Variants in RUSC2 observed in about 807,000 individuals in gnomAD.
RUSC2 encodes AP-4 complex accessory subunit RUSC2.
Under a neutral mutation model 122.2 loss-of-function variants are expected in RUSC2, and 34 were observed. The ratio of observed to expected loss-of-function variants is 0.28; its 90% confidence interval spans 0.21 to 0.37. RUSC2 has a LOEUF of 0.37. Ranked by LOEUF, RUSC2 falls within the 10% of genes least tolerant of loss-of-function variation. RUSC2 has a pLI of 1.00. For synonymous variants in RUSC2, 784 were observed against 790.0 expected (o/e 0.99, Z 0.13); for missense variants, 1,747 against 1,952.4 (o/e 0.89, Z 1.98).
chr9:35,526,013 A>G (rs924728066), intron 1 of RUSC2, among the ~76,000 whole-genome samples: 1 of 152,204 alleles, frequency 6.6e-6, no homozygotes, highest in Non-Finnish European at 1.5e-5. Flanking sequence ...GTGAGTTCCT[A>G]GCATTTTAAC....
At position 35,560,013 on chromosome 9, in the gene RUSC2, C is replaced by CTT; in HGVS notation, c.3389-15_3389-14insTT. The CTT allele has an allele frequency of 6.4e-7, 1 of 1,569,968 alleles. No homozygotes were observed. The highest frequency in any genetic ancestry group is 8.7e-7 in the Non-Finnish European group (1 of 1,152,130). On this transcript the variant is annotated splice_polypyrimidine_tract_variant and intron_variant, in intron 9 of 11. Transcript: ENST00000361226. ...TGGTTCTCTGTGTGGATCAGTCCCT[C>CTT]TCTCTTTTCCCCTAGACATCATCCA...
chr9:35,526,011 C>T (rs552902618), intron 1 of RUSC2, among the ~76,000 whole-genome samples: 40 of 152,240 alleles, frequency 2.6e-4, no homozygotes, highest in African/African-American at 9.6e-4. Flanking sequence ...GAGTGAGTTC[C>T]TAGCATTTTA....
chr9:35,503,001 C>T (rs1820844803), intron 1 of RUSC2, among the ~76,000 whole-genome samples: 1 of 152,064 alleles, frequency 6.6e-6, no homozygotes, highest in African/African-American at 2.4e-5. Context: ...GCTGGGATTA[C>T]AGGCATGCAA....
intron 2 of RUSC2, among the ~76,000 whole-genome samples, chr9:35,551,421 G>A (rs1051614939): frequency 6.6e-6 from 1 of 152,192 alleles, no homozygotes; most frequent in Non-Finnish European, 1.5e-5. Context: ...AGCTGTCCTT[G>A]GGGTGGGCAT....
Position 35,558,668 on chromosome 9 carries a change from G to A in RUSC2, c.3341+101G>A. The A allele has an allele frequency of 9.9e-7, 1 of 1,005,918 alleles. No homozygotes were observed. Among genetic ancestry groups the A allele is most frequent in the South Asian group, 1.3e-5 (1 of 74,838 alleles). 62.3% of individuals were successfully genotyped at this position (1,005,918 alleles called of 1,614,324 possible). On this transcript the variant is annotated intron_variant, in intron 8 of 11. Coordinates refer to ENST00000361226, the MANE Select transcript of RUSC2 (RefSeq NM_014806.5). This position sits in a 1 kb window ranked among gnomAD's most constrained non-coding sequence, Gnocchi z 4.3. ...AAACAACGCCCTGGACAGACAGAAAGGGTGGATCTGGAGGGTCCCCTCAGC... is the reference window on the plus strand; with the variant it reads ...AAACAACGCCCTGGACAGACAGAAAAGGTGGATCTGGAGGGTCCCCTCAGC...
At chr9:35,531,404 G>A (rs1218178408) in intron 1 of RUSC2, among the ~76,000 whole-genome samples, 1 of 152,174 alleles carries the variant, frequency 6.6e-6, no homozygotes, top group Non-Finnish European at 1.5e-5. Context: ...AGACAACGAA[G>A]GTAAGAAAAC....
rs16932466 is a variant in RUSC2 at position 35,526,245 on chromosome 9, G to A, written c.-92-20185G>A. On this transcript the variant is annotated intron_variant, in intron 1 of 11. Coordinates refer to ENST00000361226, the MANE Select transcript of RUSC2 (RefSeq NM_014806.5). ...CTGGATCTCTCTATTGCTTATGAAA[G>A]CTGCCCAGACCACTACTGAGTTCTG... is the stretch of plus-strand genomic sequence containing the variant. 9.1e-3 allele frequency among the ~76,000 whole-genome samples: 1,387 copies of A among 152,234 alleles called. 50 individuals are homozygous for A. Among genetic ancestry groups the A allele is most frequent in the East Asian group, 0.084 (433 of 5,164 alleles).
chr9:35,561,081 C>T lies in RUSC2; in HGVS notation c.4333C>T (p.Pro1445Ser), dbSNP rs1370342148. Reference protein sequence around the residue: ...SLQEPHSPALPSSPPCEVQAL... With the variant: ...SLQEPHSPALSSSPPCEVQAL... ...GCAGGAGCCACACTCCCCAGCCCTG[C>T]CCTCCAGTCCTCCGTGGTAAGCCTG... Residue 1445 changes from proline to serine, a missense_variant, in exon 11 of 12, where the codon CCC (proline) becomes TCC (serine). By Grantham distance (74) the Pro-to-Ser change is moderately conservative. Coordinates refer to ENST00000361226, the MANE Select transcript of RUSC2 (RefSeq NM_014806.5). The T allele has an allele frequency of 6.2e-7, 1 of 1,614,030 alleles. No individual in the cohort carries two copies. The highest frequency in any genetic ancestry group is 1.7e-5 in the Admixed American group (1 of 60,004).
intron 1 of RUSC2, among the ~76,000 whole-genome samples, chr9:35,522,393 T>C (rs1029180283): frequency 6.6e-6 from 1 of 152,214 alleles, no homozygotes. Context: ...GGAGAGGGAA[T>C]TGGAGTGCAT....
intron 1 of RUSC2, among the ~76,000 whole-genome samples, chr9:35,524,669 C>T (rs1290406006): frequency 6.6e-6 from 1 of 151,982 alleles, no homozygotes; most frequent in Non-Finnish European, 1.5e-5. Context: ...GGAGGCTGCC[C>T]TCAAAAGTCT....
At chr9:35,491,736 G>T (rs1303443475) in intron 1 of RUSC2, among the ~76,000 whole-genome samples, 1 of 152,192 alleles carries the variant, frequency 6.6e-6, no homozygotes. Flanking sequence ...GATCACTAGA[G>T]GTCAGAAGTT....
At chr9:35,518,718 T>G (rs1821154154) in intron 1 of RUSC2, among the ~76,000 whole-genome samples, 1 of 152,214 alleles carries the variant, frequency 6.6e-6, no homozygotes, top group African/African-American at 2.4e-5. Flanking sequence ...GAATTTGATG[T>G]ACGTGCTAAA....
rs569488945 is a variant in RUSC2, at chr9:35,502,238, G to A, written c.-93+12066G>A. On this transcript the variant is annotated intron_variant, in intron 1 of 11. Coordinates refer to ENST00000361226, the MANE Select transcript of RUSC2 (RefSeq NM_014806.5). ...AGCATGACTCTTAGATCTAAACTCT[G>A]TTCTCAGCCTCTTACTTAGTGGTTC... 2.0e-5 allele frequency among the ~76,000 whole-genome samples: 3 copies of A among 152,296 alleles called. No individual in the cohort carries two copies. In the East Asian group the frequency reaches 5.8e-4, roughly 29 times the overall value.
rs1040929586 is a variant in RUSC2 at position 35,560,978 on chromosome 9, G to C, written c.4230G>C (p.Leu1410=). The part of the protein sequence containing the change: ...RPTNRLPSDW[L]SLDKSMFQLV... ...TCCCTAGGCTCCCCTCGGACTGGCT[G>C]AGCCTGGACAAGTCCATGTTCCAAC... Residue 1410 remains leucine, a synonymous_variant, in exon 11 of 12, where the codon CTG becomes CTC. Transcript: ENST00000361226. 3.1e-6 allele frequency: 5 copies of C among 1,614,062 alleles called. No individual in the cohort carries two copies. Among genetic ancestry groups the C allele is most frequent in the Non-Finnish European group, 4.2e-6 (5 of 1,180,020 alleles).
At chr9:35,556,651 C>G (rs1046118185) in intron 5 of RUSC2, among the ~76,000 whole-genome samples, 1 of 151,896 alleles carries the variant, frequency 6.6e-6, no homozygotes, top group Non-Finnish European at 1.5e-5. Context: ...GGTGAAACCC[C>G]ATCTCTACTA....
intron 1 of RUSC2, among the ~76,000 whole-genome samples, chr9:35,542,809 T>A (rs1360032266): frequency 6.6e-6 from 1 of 152,218 alleles, no homozygotes; most frequent in Non-Finnish European, 1.5e-5. Flanking sequence ...TCTTCATCTC[T>A]GATTTAGAGA....
rs746673656 is a variant in RUSC2, at chr9:35,560,626, C to T, written c.3986C>T (p.Pro1329Leu). Residue 1329 changes from proline to leucine, a missense_variant, in exon 10 of 12, where the codon CCT becomes CTT. Pro to Leu is a moderately conservative substitution (Grantham distance 98). Transcript: ENST00000361226. ...EGVVEGAEAC[P>L]ASEEALGRER... ...GTAGTGGAGGGGGCTGAGGCCTGCCCTGCCTCTGAGGAGGCCCTGGGCCGG... is the reference window on the plus strand; with the variant it reads ...GTAGTGGAGGGGGCTGAGGCCTGCCTTGCCTCTGAGGAGGCCCTGGGCCGG... 1.9e-6 allele frequency: 3 copies of T among 1,607,814 alleles called. No homozygotes were observed. Among genetic ancestry groups the T allele is most frequent in the Non-Finnish European group, 2.5e-6 (3 of 1,177,094 alleles).
intron 1 of RUSC2, among the ~76,000 whole-genome samples, chr9:35,491,471 G>A (rs1329766720): frequency 6.6e-6 from 1 of 152,166 alleles, no homozygotes; most frequent in African/African-American, 2.4e-5. Flanking sequence ...TGTATGGCCA[G>A]CCACTGTTTC....
At chr9:35,527,046 T>C (rs149518263) in intron 1 of RUSC2, among the ~76,000 whole-genome samples, 5 of 152,342 alleles carry the variant, frequency 3.3e-5, no homozygotes, top group African/African-American at 1.2e-4. Flanking sequence ...TTTTTTGTGC[T>C]GTTTCTATGT....
Sources: gnomAD v4.1 joint callset for allele counts (sites outside exome capture counted in the v4.1 genomes callset) on GRCh38, gnomAD v4.1.1 for gene constraint, Gnocchi (gnomAD v3.1) non-coding constraint, MANE v1.5 for transcripts, NCBI Gene and HGNC (gene_info 2026-07-23, HGNC 2026-07-21) for gene names.